RUVBL1: variants seen among roughly 807,000 people sequenced by gnomAD.
RUVBL1 encodes the protein ruvB-like 1.
RUVBL1 carries 4 observed loss-of-function variants against 52.4 expected under a neutral mutation model. That is an observed-to-expected ratio of 0.08 (90% confidence interval 0.04 to 0.17). The LOEUF is 0.17. Among genes scored for constraint, RUVBL1 ranks in the 10% least tolerant of loss-of-function variants. The pLI, the probability that RUVBL1 is intolerant of heterozygous loss-of-function variation, is 1.00. For synonymous variants in RUVBL1, 217 were observed against 214.4 expected, an observed-to-expected ratio of 1.01 and a Z score of -0.10; for missense variants, 298 against 572.8, an observed-to-expected ratio of 0.52 and a Z score of 4.90.
exon 1 of RUVBL1, chr3:128,153,901 G>A: frequency 7.0e-7 from 1 of 1,421,832 alleles, no homozygotes; most frequent in Non-Finnish European, 9.1e-7. Context: ...ATTCGCTCGA[G>A]CCTTTGCCGG....
At chr3:128,152,980 C>CG (rs1559843438) in intron 1 of RUVBL1, among the ~76,000 whole-genome samples, 1 of 29,686 alleles carries the variant, frequency 3.4e-5, no homozygotes, top group Non-Finnish European at 6.1e-5. Context: ...CCCGTCTTCC[C>CG]CCCGCCCACC....
At chr3:128,123,475 G>A in intron 1 of RUVBL1, 109 bp downstream of exon 1, 1 of 1,261,636 alleles carries the variant, frequency 7.9e-7, no homozygotes, top group South Asian at 1.7e-5. Context: ...GGAAATAATG[G>A]CGGGAGACCC....
intron 1 of RUVBL1, among the ~76,000 whole-genome samples, chr3:128,148,773 C>T (rs1340105712): frequency 6.6e-6 from 1 of 152,152 alleles, no homozygotes; most frequent in Non-Finnish European, 1.5e-5. Context: ...TTCATAAATG[C>T]AAACATGCTA....
chr3:128,086,401 G>A (rs565560062), intron 9 of RUVBL1, among the ~76,000 whole-genome samples: 20 of 152,238 alleles, frequency 1.3e-4, no homozygotes, highest in Non-Finnish European at 2.2e-4. Flanking sequence ...TGCTCAACAC[G>A]ATGCTCAACA....
intron 1 of RUVBL1, among the ~76,000 whole-genome samples, chr3:128,131,512 AAAAC>A (rs71153122): frequency 2.0e-5 from 3 of 151,896 alleles, no homozygotes; most frequent in Non-Finnish European, 2.9e-5. Flanking sequence ...CAAACACTGT[AAAAC>A]AAACCAACAA....
intron 1 of RUVBL1, among the ~76,000 whole-genome samples, chr3:128,119,982 G>A (rs773602825): frequency 1.3e-5 from 2 of 152,176 alleles, no homozygotes; most frequent in Non-Finnish European, 2.9e-5. Context: ...ATAATACAAA[G>A]CCACTGAAAA....
intron 1 of RUVBL1, among the ~76,000 whole-genome samples, chr3:128,147,130 G>A (rs1488350235): frequency 6.6e-6 from 1 of 152,208 alleles, no homozygotes; most frequent in Non-Finnish European, 1.5e-5. Context: ...GGGGTGCAGT[G>A]GCACAATCGG....
At chr3:128,138,570 G>A (rs1943978501) in intron 1 of RUVBL1, among the ~76,000 whole-genome samples, 1 of 151,286 alleles carries the variant, frequency 6.6e-6, no homozygotes, top group Admixed American at 6.6e-5. Context: ...AAAAATGAAA[G>A]ATAGTCCATG....
chr3:128,100,220 A>G (rs1245666731), intron 6 of RUVBL1, among the ~76,000 whole-genome samples: 1 of 152,208 alleles, frequency 6.6e-6, no homozygotes, highest in East Asian at 1.9e-4. Flanking sequence ...AGGGGGAAAG[A>G]AAGAGCTTTG....
At chr3:128,065,982 T>G (rs1014567959) in intron 9 of RUVBL1, among the ~76,000 whole-genome samples, 1 of 151,966 alleles carries the variant, frequency 6.6e-6, no homozygotes, top group East Asian at 1.9e-4. Context: ...GACCTCGTGA[T>G]CCGCCCGCCT....
Position 128,097,912 on chromosome 3 carries a change from A to G in RUVBL1, c.818-414T>C, listed in dbSNP as rs569055826. Among the ~76,000 whole-genome samples, 7 of 152,212 alleles carry G rather than the reference A, an allele frequency of 4.6e-5. No individual in the cohort carries two copies. In the South Asian group the frequency reaches 1.5e-3, roughly 32 times the overall value. ...GGGTGAAATGAGTTTTCACATGCAA[A>G]TTTACCTGTTCTATACTCAGTAAAT... On this transcript the variant is annotated intron_variant, in intron 7 of 10. Transcript: ENST00000322623.
chr3:128,067,963 C>T lies in RUVBL1; in HGVS notation c.940-2743G>A, dbSNP rs1359189763. On this transcript the variant is annotated intron_variant, in intron 9 of 9. Transcript: ENST00000464873. This position sits in a 1 kb window ranked among gnomAD's most constrained non-coding sequence, Gnocchi z 4.1. Reference sequence around the variant, plus strand: ...CCTTCAGCCTCCAATTCCAACTTCTCCCCTGTGGGCACCCTGCAGGTTGCA... The same window carrying T: ...CCTTCAGCCTCCAATTCCAACTTCTTCCCTGTGGGCACCCTGCAGGTTGCA... 6.2e-7 allele frequency: 1 copy of T among 1,610,710 alleles called. No individual in the cohort carries two copies. The highest frequency in any genetic ancestry group is 2.2e-5 in the East Asian group (1 of 44,870).
At chr3:128,150,261 T>C (rs528916898) in intron 1 of RUVBL1, among the ~76,000 whole-genome samples, 1 of 152,286 alleles carries the variant, frequency 6.6e-6, no homozygotes, top group South Asian at 2.1e-4. Flanking sequence ...AGGTGTTCAA[T>C]CAATATTTGT....
intron 8 of RUVBL1, among the ~76,000 whole-genome samples, chr3:128,089,930 A>C (rs1404174972): frequency 7.1e-5 from 10 of 140,890 alleles, no homozygotes; most frequent in East Asian, 5.9e-4. Flanking sequence ...AAAAAAAAAA[A>C]AAAAAAAAAA....
intron 9 of RUVBL1, among the ~76,000 whole-genome samples, chr3:128,066,147 G>A (rs1390869534): frequency 1.3e-5 from 2 of 152,158 alleles, no homozygotes; most frequent in Non-Finnish European, 2.9e-5. Flanking sequence ...AGAGGGAGAA[G>A]TTGTATTCCT....
chr3:128,119,821 C>G (rs1320247812), intron 1 of RUVBL1, among the ~76,000 whole-genome samples: 1 of 152,172 alleles, frequency 6.6e-6, no homozygotes, highest in Non-Finnish European at 1.5e-5. Context: ...AAAGCAGAAA[C>G]AAGCTTGGCA....
chr3:128,065,535 T>G (rs1167978529), intron 9 of RUVBL1, among the ~76,000 whole-genome samples: 1 of 152,172 alleles, frequency 6.6e-6, no homozygotes, highest in Non-Finnish European at 1.5e-5. Context: ...CTTTGTATTT[T>G]TTGATGGTCC....
chr3:128,073,725 C>T (rs1942234758), intron 9 of RUVBL1, among the ~76,000 whole-genome samples: 1 of 152,222 alleles, frequency 6.6e-6, no homozygotes, highest in African/African-American at 2.4e-5. Context: ...CATGCCCCAG[C>T]AGTAAGGGTT....
intron 3 of RUVBL1, among the ~76,000 whole-genome samples, chr3:128,109,227 T>C (rs541321691): frequency 6.6e-6 from 1 of 152,284 alleles, no homozygotes; most frequent in East Asian, 1.9e-4. Flanking sequence ...CATCCTTCTC[T>C]ATAAGTTTGT....
Sources: allele counts gnomAD v4.1 joint callset (sites outside exome capture counted in the v4.1 genomes callset), GRCh38; gene constraint gnomAD v4.1.1; non-coding constraint Gnocchi (gnomAD v3.1); transcripts MANE v1.5; gene names NCBI Gene and HGNC (gene_info 2026-07-23, HGNC 2026-07-21).